Variants in BICD1 observed in about 807,000 individuals in gnomAD.
The protein encoded by BICD1 is protein bicaudal D homolog 1.
In BICD1, 35 loss-of-function variants were observed where a neutral mutation model predicts 92.5. The ratio of observed to expected loss-of-function variants is 0.38; its 90% CI spans 0.29 to 0.50. The LOEUF is 0.50. Among genes scored for constraint, BICD1 ranks in the 20% least tolerant of loss-of-function variants. The pLI is 0.93. For missense variants in BICD1, 950 were observed against 1,189.8 expected, an observed-to-expected ratio of 0.80 and a Z score of 2.97; for synonymous variants, 429 against 465.1, an observed-to-expected ratio of 0.92 and a Z score of 1.00.
At chr12:32,242,956 C>T (rs143172052) in intron 2 of BICD1, among the ~76,000 whole-genome samples, 1 of 152,226 alleles carries the variant, frequency 6.6e-6, no homozygotes, top group East Asian at 1.9e-4. Context: ...ATTCCTAACT[C>T]AAGGGTCTGT....
In BICD1 at chr12:32,379,924, G is replaced by C. The variant is rs1233013689; in HGVS notation, c.*2297G>C. 1.3e-5 allele frequency: 2 copies of C among 152,198 alleles called. No individual in the cohort carries two copies. Among genetic ancestry groups the C allele is most frequent in the Admixed American group, 1.3e-4 (2 of 15,270 alleles). The allele number at this position is 152,198 out of a possible 1,614,324, so 9.4% of individuals were successfully genotyped here. ...ATTTGCATTCTTTATCCCTAACTCT[G>C]AATCTAGGACTCCATGAAAAGCCGG... On this transcript the variant is annotated 3_prime_UTR_variant, in exon 10 of 10. Coordinates refer to ENST00000652176, the MANE Select transcript of BICD1 (RefSeq NM_001714.4).
At position 32,369,730 on chromosome 12, in the gene BICD1, C is replaced by A. The variant is rs550399887; in HGVS notation, c.2840+1985C>A. 5.4e-4 allele frequency among the ~76,000 whole-genome samples: 79 copies of A among 146,320 alleles called. 1 individual carries two copies. The highest frequency in any genetic ancestry group is 4.8e-4 in the Non-Finnish European group (32 of 66,694). On this transcript the variant is annotated intron_variant, in intron 9 of 9. Transcript: ENST00000652176. Reference sequence around the variant, plus strand: ...AACACAGGGAGACCTCCACCCCCGACCTCTACCAAATTTTTTTTTTTTTAA... The same window carrying A: ...AACACAGGGAGACCTCCACCCCCGAACTCTACCAAATTTTTTTTTTTTTAA...
At chr12:32,309,857 G>A (rs1948328014) in intron 4 of BICD1, among the ~76,000 whole-genome samples, 1 of 152,054 alleles carries the variant, frequency 6.6e-6, no homozygotes. Flanking sequence ...GTATACATGT[G>A]CCATGTTGGT....
chr12:32,321,183 G>A (rs1972438), intron 4 of BICD1, among the ~76,000 whole-genome samples: 37,718 of 151,770 alleles, frequency 0.25, 5,122 homozygotes, highest in East Asian at 0.6. Context: ...AAAATTAGCC[G>A]GGCGTGGTGG....
chr12:32,110,404 T>G (rs1158733392), intron 1 of BICD1, among the ~76,000 whole-genome samples: 1 of 152,210 alleles, frequency 6.6e-6, no homozygotes, highest in Non-Finnish European at 1.5e-5. Flanking sequence ...AGAATAGTAC[T>G]AAGGATTTGA....
chr12:32,302,322 G>A (rs547322808), intron 3 of BICD1, among the ~76,000 whole-genome samples: 2 of 152,274 alleles, frequency 1.3e-5, no homozygotes, highest in East Asian at 1.9e-4. Context: ...CTATAGGCTC[G>A]ATGGTCTATG....
chr12:32,383,565 T>C lies in BICD1; in HGVS notation c.*5938T>C, dbSNP rs1056004629. On this transcript the variant is annotated 3_prime_UTR_variant, in exon 10 of 10. Transcript: ENST00000652176. ...TCGATTCTTATATCTCGGTTTATGT[T>C]ACCAACTGAATATGGTGTAATGCAT... 1.3e-5 allele frequency: 2 copies of C among 152,198 alleles called. No homozygotes were observed. The highest frequency in any genetic ancestry group is 2.4e-5 in the African/African-American group (1 of 41,452). 9.4% of individuals were successfully genotyped at this position (152,198 alleles called of 1,614,324 possible).
At chr12:32,218,624 C>T (rs1945426941) in intron 2 of BICD1, among the ~76,000 whole-genome samples, 1 of 152,130 alleles carries the variant, frequency 6.6e-6, no homozygotes, top group Admixed American at 6.5e-5. Flanking sequence ...AGTAGATTTG[C>T]AGTAAGAGAA....
At chr12:32,258,547 C>A (rs12231791) in intron 2 of BICD1, among the ~76,000 whole-genome samples, 3 of 151,724 alleles carry the variant, frequency 2.0e-5, no homozygotes, top group African/African-American at 7.3e-5. Flanking sequence ...ACCACCAAGA[C>A]GCAGAGACCA....
At chr12:32,243,781 A>C (rs1307114444) in intron 2 of BICD1, among the ~76,000 whole-genome samples, 2 of 151,328 alleles carry the variant, frequency 1.3e-5, no homozygotes, top group East Asian at 3.9e-4. Context: ...TCTTCCCTTC[A>C]CTCTTCTCAA....
intron 2 of BICD1, among the ~76,000 whole-genome samples, chr12:32,241,034 G>T (rs1946222151): frequency 6.6e-6 from 1 of 152,160 alleles, no homozygotes; most frequent in Non-Finnish European, 1.5e-5. Flanking sequence ...TCCAAGGTCA[G>T]ACAGTATTAT....
chr12:32,210,446 G>A (rs1229855813), intron 1 of BICD1, among the ~76,000 whole-genome samples: 1 of 151,914 alleles, frequency 6.6e-6, no homozygotes. Context: ...TAATGGGTAC[G>A]AAATTTCTGT....
intron 3 of BICD1, among the ~76,000 whole-genome samples, chr12:32,301,452 T>G (rs1331894564): frequency 6.6e-6 from 1 of 151,928 alleles, no homozygotes; most frequent in Non-Finnish European, 1.5e-5. Context: ...CACAAGCAGC[T>G]TATAAATAGC....
chr12:32,241,149 T>C (rs1946225867), intron 2 of BICD1, among the ~76,000 whole-genome samples: 1 of 152,200 alleles, frequency 6.6e-6, no homozygotes, highest in Non-Finnish European at 1.5e-5. Context: ...AAGTCATATG[T>C]ATCTACAATT....
chr12:32,364,683 G>C (rs760062158), intron 8 of BICD1, among the ~76,000 whole-genome samples: 1 of 152,174 alleles, frequency 6.6e-6, no homozygotes, highest in Admixed American at 6.5e-5. Flanking sequence ...AGGAGCAGTG[G>C]CTCACACCTA....
chr12:32,309,110 G>GT (rs1464830772), intron 4 of BICD1, among the ~76,000 whole-genome samples: 7 of 152,026 alleles, frequency 4.6e-5, no homozygotes, highest in Non-Finnish European at 1.0e-4. Flanking sequence ...TTGCAATACA[G>GT]TTTTTTCCTT....
rs1938610314 is a variant in BICD1, at chr12:32,346,587, TATATATATATATATATATATATATAC to T, written c.2764+7609_2764+7634del. Among the ~76,000 whole-genome samples, 3 of 2,396 alleles carry T rather than the reference TATATATATATATATATATATATATAC, an allele frequency of 1.3e-3. 1 individual carries two copies. Among genetic ancestry groups the T allele is most frequent in the South Asian group, 0.031 (1 of 32 alleles). The allele number at this position is 2,396 out of a possible 152,430, so 1.6% of individuals were successfully genotyped here. ...ATATATATATATATATATATACGTG[TATATATATATATATATATATATATAC>T]GTGTATATATATATATATATACGTG... On this transcript the variant is annotated intron_variant, in intron 8 of 9. Coordinates refer to ENST00000652176, the MANE Select transcript of BICD1 (RefSeq NM_001714.4).
intron 1 of BICD1, among the ~76,000 whole-genome samples, chr12:32,119,026 C>T (rs924415974): frequency 6.6e-6 from 1 of 152,098 alleles, no homozygotes; most frequent in Non-Finnish European, 1.5e-5. Context: ...CTGGGGAAAG[C>T]GTGATCAGGC....
At chr12:32,375,781 G>A (rs2136345433) in intron 9 of BICD1, among the ~76,000 whole-genome samples, 1 of 152,216 alleles carries the variant, frequency 6.6e-6, no homozygotes, top group Non-Finnish European at 1.5e-5. Flanking sequence ...TAAAATGCAA[G>A]AGATATAGGT....
Sources: gnomAD v4.1 joint callset for allele counts (sites outside exome capture counted in the v4.1 genomes callset) on GRCh38, gnomAD v4.1.1 for gene constraint, MANE v1.5 for transcripts, NCBI Gene and HGNC (gene_info 2026-07-23, HGNC 2026-07-21) for gene names.